DLC1: variants seen among roughly 807,000 people sequenced by gnomAD.
DLC1 encodes DLC1 Rho GTPase activating protein, also known as rho GTPase-activating protein 7.
A neutral mutation model predicts 140.3 loss-of-function variants in DLC1; 54 were observed. The observed-to-expected ratio is 0.38, with a 90% CI of 0.31 to 0.48. DLC1 has a LOEUF of 0.48. DLC1 is among the 20% of genes least tolerant of loss of function. The pLI is 0.96. For synonymous variants in DLC1, 986 were observed against 728.1 expected (o/e 1.35, Z -5.70); for missense variants, 2,536 against 1,907.0 (o/e 1.33, Z -6.14).
At chr8:13,343,113 G>T (rs1031333722) in intron 4 of DLC1, among the ~76,000 whole-genome samples, 2 of 152,152 alleles carry the variant, frequency 1.3e-5, no homozygotes, top group South Asian at 4.1e-4. Flanking sequence ...TGAAACAGGC[G>T]CACTTGTGAC....
At chr8:13,525,079 G>A (rs1802877686) in intron 1 of DLC1, among the ~76,000 whole-genome samples, 1 of 152,128 alleles carries the variant, frequency 6.6e-6, no homozygotes, top group Non-Finnish European at 1.5e-5. Context: ...AGAAGTTTAT[G>A]TATATGAAGT....
intron 1 of DLC1, among the ~76,000 whole-genome samples, chr8:13,541,130 G>A (rs1033780929): frequency 6.6e-6 from 1 of 152,168 alleles, no homozygotes; most frequent in Non-Finnish European, 1.5e-5. Flanking sequence ...GTGCATGGAA[G>A]TTGTTCAGAC....
chr8:13,129,627 A>T (rs1486555128), intron 5 of DLC1, among the ~76,000 whole-genome samples: 1 of 152,190 alleles, frequency 6.6e-6, no homozygotes, highest in Non-Finnish European at 1.5e-5. Context: ...TGTAATTCAA[A>T]TCATTGGACT....
intron 5 of DLC1, among the ~76,000 whole-genome samples, chr8:13,187,811 A>G (rs1487885796): frequency 6.6e-6 from 1 of 152,174 alleles, no homozygotes; most frequent in African/African-American, 2.4e-5. Context: ...GGACTTTTGG[A>G]TGGAATTCCC....
chr8:13,132,582 C>A (rs1276198071), intron 5 of DLC1, among the ~76,000 whole-genome samples: 2 of 152,138 alleles, frequency 1.3e-5, no homozygotes, highest in Non-Finnish European at 2.9e-5. Context: ...AGGTAGAAGG[C>A]GGTGTCGCCG....
chr8:13,571,362 T>C (rs1804647500), intron 1 of DLC1, among the ~76,000 whole-genome samples: 1 of 152,132 alleles, frequency 6.6e-6, no homozygotes, highest in African/African-American at 2.4e-5. Flanking sequence ...CAGCAATAAC[T>C]CCCCATTCTC....
intron 5 of DLC1, among the ~76,000 whole-genome samples, chr8:13,280,708 G>A (rs994271518): frequency 6.6e-6 from 1 of 152,156 alleles, no homozygotes; most frequent in Non-Finnish European, 1.5e-5. Flanking sequence ...TATGGCCACT[G>A]TTGCTGATGA....
At chr8:13,346,915 T>G (rs985013989) in intron 4 of DLC1, among the ~76,000 whole-genome samples, 1 of 152,236 alleles carries the variant, frequency 6.6e-6, no homozygotes, top group Non-Finnish European at 1.5e-5. Context: ...TTACCTGTGG[T>G]CAACCGTGGT....
intron 1 of DLC1, among the ~76,000 whole-genome samples, chr8:13,551,075 C>CACACACACACACACACTTT (rs71207163): frequency 1.6e-5 from 2 of 121,716 alleles, no homozygotes; most frequent in African/African-American, 6.1e-5. Flanking sequence ...CACACACACA[C>CACACACACACACACACTTT]TTTTTTTTTT....
chr8:13,114,088 G>A (rs977243918), intron 6 of DLC1, among the ~76,000 whole-genome samples: 1 of 152,334 alleles, frequency 6.6e-6, no homozygotes, highest in South Asian at 2.1e-4. Flanking sequence ...TAGGCCAGGC[G>A]TGGTTGCTCA....
At chr8:13,150,593 A>G (rs890379560) in intron 5 of DLC1, among the ~76,000 whole-genome samples, 2 of 152,224 alleles carry the variant, frequency 1.3e-5, no homozygotes, top group African/African-American at 4.8e-5. Context: ...GAAGCATGAC[A>G]TATTAGTGGG....
chr8:13,160,957 T>C (rs1274411642), intron 5 of DLC1, among the ~76,000 whole-genome samples: 1 of 152,118 alleles, frequency 6.6e-6, no homozygotes, highest in African/African-American at 2.4e-5. Flanking sequence ...GGCGGGTACC[T>C]GTATTCCCAG....
At chr8:13,320,324 C>T (rs1266105268) in intron 4 of DLC1, among the ~76,000 whole-genome samples, 1 of 152,120 alleles carries the variant, frequency 6.6e-6, no homozygotes, top group Admixed American at 6.5e-5. Context: ...AAAAACTTGC[C>T]TGTTAACTCT....
At chr8:13,497,927 A>G (rs1275756931) in intron 2 of DLC1, among the ~76,000 whole-genome samples, 1 of 152,196 alleles carries the variant, frequency 6.6e-6, no homozygotes, top group Non-Finnish European at 1.5e-5. Flanking sequence ...AAACTAACTC[A>G]CGACACATTA....
rs976186279 is a variant in DLC1 at position 13,090,121 on chromosome 8, T to C, written c.4074+131A>G. 6 of 790,586 alleles carry C rather than the reference T, an allele frequency of 7.6e-6. No individual in the cohort carries two copies. In the Admixed American group the frequency reaches 8.6e-5, roughly 11 times the overall value. 49.0% of individuals were successfully genotyped at this position (790,586 alleles called of 1,614,324 possible). A position where few individuals can be genotyped will look rare whatever the true frequency, so the allele number is the denominator to read the frequency against. On this transcript the variant is annotated intron_variant, in intron 15 of 17. Coordinates refer to ENST00000276297, the MANE Select transcript of DLC1 (RefSeq NM_182643.3). Reference sequence around the variant, plus strand: ...ACCACGGGGATCTTACTCACCCCGGTGCCCAGCTCTACAAGGGAGGTTGTG... The same window carrying C: ...ACCACGGGGATCTTACTCACCCCGGCGCCCAGCTCTACAAGGGAGGTTGTG...
chr8:13,551,091 A>G (rs1585265602), intron 1 of DLC1, among the ~76,000 whole-genome samples: 2 of 103,490 alleles, frequency 1.9e-5, no homozygotes, highest in Admixed American at 2.0e-4. Context: ...TTTTTTTTCC[A>G]AAGAACACTT....
intron 1 of DLC1, among the ~76,000 whole-genome samples, chr8:13,592,431 A>G (rs75402691): frequency 0.13 from 20,508 of 151,942 alleles, 1,668 homozygotes; most frequent in Middle Eastern, 0.24. Flanking sequence ...TGTAGCAAAC[A>G]TATGGATCTT....
At chr8:13,453,251 G>A (rs1405768827) in intron 2 of DLC1, among the ~76,000 whole-genome samples, 1 of 147,550 alleles carries the variant, frequency 6.8e-6, no homozygotes, top group Non-Finnish European at 1.5e-5. Context: ...GCATTAAGAA[G>A]ACTAAAGATT....
intron 4 of DLC1, among the ~76,000 whole-genome samples, chr8:13,343,992 T>C (rs1250448461): frequency 6.6e-6 from 1 of 152,198 alleles, no homozygotes; most frequent in Non-Finnish European, 1.5e-5. Flanking sequence ...TAGTATCATT[T>C]GCTCTGAGAA....
Sources: allele counts gnomAD v4.1 joint callset (sites outside exome capture counted in the v4.1 genomes callset), GRCh38; gene constraint gnomAD v4.1.1; transcripts MANE v1.5; gene names NCBI Gene and HGNC (gene_info 2026-07-23, HGNC 2026-07-21).